AKR1C3: variants seen among roughly 807,000 people sequenced by gnomAD.
AKR1C3 encodes the protein 3-alpha hydroxysteroid dehydrogenase, type II.
In AKR1C3, 48 loss-of-function variants were observed where a neutral mutation model predicts 43.6. The ratio of observed to expected loss-of-function variants is 1.10; its 90% confidence interval spans 0.87 to 1.40. AKR1C3 has a LOEUF of 1.40. Among genes scored for constraint, AKR1C3 ranks in the 40% most tolerant of loss-of-function variants. AKR1C3 has a pLI of 0.00. For synonymous variants in AKR1C3, 162 were observed against 139.6 expected (o/e 1.16, Z -1.13); for missense variants, 482 against 391.2 (o/e 1.23, Z -1.96).
Position 5,102,223 on chromosome 10 carries a change from A to C in AKR1C3, c.680+13A>C, listed in dbSNP as rs782523991. The C allele has an allele frequency of 1.9e-6, 3 of 1,605,884 alleles. No individual in the cohort carries two copies. The highest frequency in any genetic ancestry group is 2.6e-6 in the Non-Finnish European group (3 of 1,172,844). On this transcript the variant is annotated intron_variant, in intron 6 of 8. Coordinates refer to ENST00000380554, the MANE Select transcript of AKR1C3 (RefSeq NM_003739.6). ...GAGACAAACGATGGTAATAAAAACA[A>C]TGGGACCTTTACATAAACCTTCATT...
chr10:5,087,078 G>A (rs10904414), intron 1 of AKR1C3, among the ~76,000 whole-genome samples: 128,147 of 152,048 alleles, frequency 0.84, 54,014 homozygotes, highest in Middle Eastern at 0.91. Context: ...TTTAAAGTTA[G>A]TATTGTTATG....
In AKR1C3 at chr10:5,099,363, T is replaced by TC. The variant is rs1295547128; in HGVS notation, c.486dup (p.Ile163HisfsTer39). The stretch of plus-strand genomic sequence containing the variant: ...GTGTAAGGATGCAGGATTGGCCAAG[T>TC]CCATTGGGGTGTCAAACTTCAACCG... On this transcript the variant is annotated frameshift_variant, in exon 5 of 9. Transcript: ENST00000380554. LOFTEE classifies it high-confidence loss of function. 6.2e-7 allele frequency: 1 copy of TC among 1,613,972 alleles called. No individual in the cohort carries two copies. The highest frequency in any genetic ancestry group is 1.7e-5 in the Admixed American group (1 of 59,990).
Position 5,107,549 on chromosome 10 carries a change from T to C in AKR1C3, c.*46T>C, listed in dbSNP as rs782651361. The C allele has an allele frequency of 6.8e-7, 1 of 1,474,130 alleles. No individual in the cohort carries two copies. Among genetic ancestry groups the C allele is most frequent in the South Asian group, 1.1e-5 (1 of 87,202 alleles). 91.3% of individuals were successfully genotyped at this position (1,474,130 alleles called of 1,614,324 possible). A position where few individuals can be genotyped will look rare whatever the true frequency, so the allele number is the denominator to read the frequency against. ...GTCTACCAGAAGCCCTGTGTGTGGATGGTGACGCAGAGGACGTCTCTATGC... is the reference window on the plus strand; with the variant it reads ...GTCTACCAGAAGCCCTGTGTGTGGACGGTGACGCAGAGGACGTCTCTATGC... On this transcript the variant is annotated 3_prime_UTR_variant, in exon 9 of 9. Coordinates refer to ENST00000380554, the MANE Select transcript of AKR1C3 (RefSeq NM_003739.6).
At chr10:5,104,503 C>A (rs587709733) in intron 7 of AKR1C3, among the ~76,000 whole-genome samples, 25 of 151,662 alleles carry the variant, frequency 1.6e-4, no homozygotes, top group African/African-American at 5.8e-4. Flanking sequence ...GTCTTGCTAC[C>A]AGAATGGTAC....
chr10:5,089,069 G>T (rs548160163), intron 1 of AKR1C3, among the ~76,000 whole-genome samples: 1 of 151,946 alleles, frequency 6.6e-6, no homozygotes, highest in Non-Finnish European at 1.5e-5. Flanking sequence ...CTAAAAATAG[G>T]CCCCCAATAT....
At chr10:5,076,432 A>G (rs1173988301) in intron 1 of AKR1C3, among the ~76,000 whole-genome samples, 4 of 152,074 alleles carry the variant, frequency 2.6e-5, no homozygotes, top group Non-Finnish European at 5.9e-5. Flanking sequence ...CCACTCTAGA[A>G]TTGTAAAAAA....
upstream of AKR1C3, among the ~76,000 whole-genome samples, chr10:5,092,415 T>C (rs146362258): frequency 1.8e-4 from 27 of 151,978 alleles, no homozygotes; most frequent in East Asian, 4.6e-3. Context: ...CAGAATCCAA[T>C]GCTGTGTATA....
chr10:5,089,925 C>T (rs1839049113), upstream of AKR1C3, among the ~76,000 whole-genome samples: 1 of 151,980 alleles, frequency 6.6e-6, no homozygotes, highest in Non-Finnish European at 1.5e-5. Flanking sequence ...TGCTTTATAC[C>T]TCTGCCCTTG....
Position 5,107,522 on chromosome 10 carries a change from A to ATGTC in AKR1C3, c.*21_*24dup. 2 of 1,574,422 alleles carry ATGTC rather than the reference A, an allele frequency of 1.3e-6. No homozygotes were observed. Among genetic ancestry groups the ATGTC allele is most frequent in the Non-Finnish European group, 1.7e-6 (2 of 1,145,368 alleles). On this transcript the variant is annotated 3_prime_UTR_variant, in exon 9 of 9. Coordinates refer to ENST00000380554, the MANE Select transcript of AKR1C3 (RefSeq NM_003739.6). The stretch of plus-strand genomic sequence containing the variant: ...ATATTAACATGGAGGGCTTTGCCTG[A>ATGTC]TGTCTACCAGAAGCCCTGTGTGTGG...
upstream of AKR1C3, chr10:5,094,275 C>T (rs1284199889): frequency 3.2e-5 from 16 of 497,360 alleles, no homozygotes; most frequent in Non-Finnish European, 5.3e-5. Context: ...GAACTGAATG[C>T]AATTTTCTCC....
At chr10:5,051,589 T>A (rs1554778922) in intron 1 of AKR1C3, among the ~76,000 whole-genome samples, 1 of 152,248 alleles carries the variant, frequency 6.6e-6, no homozygotes, top group Non-Finnish European at 1.5e-5. Flanking sequence ...AGTAATGGAA[T>A]CATTGCAGTT....
intron 1 of AKR1C3, among the ~76,000 whole-genome samples, chr10:5,051,767 G>C (rs1480116043): frequency 6.6e-6 from 1 of 152,144 alleles, no homozygotes; most frequent in Non-Finnish European, 1.5e-5. Context: ...TACCGCCTTT[G>C]GCTAAATCTA....
At chr10:5,073,523 G>T (rs1296079698) in intron 1 of AKR1C3, among the ~76,000 whole-genome samples, 2 of 152,074 alleles carry the variant, frequency 1.3e-5, no homozygotes, top group Non-Finnish European at 2.9e-5. Flanking sequence ...TACATCCACT[G>T]TCCTGAGCAC....
chr10:5,068,971 A>T (rs1201817496), intron 1 of AKR1C3, among the ~76,000 whole-genome samples: 3 of 152,246 alleles, frequency 2.0e-5, no homozygotes, highest in Non-Finnish European at 4.4e-5. Flanking sequence ...TTTTCAAGAC[A>T]ACTGTATTTT....
At chr10:5,060,865 G>A (rs562213272) in intron 1 of AKR1C3, among the ~76,000 whole-genome samples, 2 of 152,340 alleles carry the variant, frequency 1.3e-5, no homozygotes, top group Admixed American at 6.5e-5. Context: ...AAGAAATTGA[G>A]CACAGCAGCT....
chr10:5,076,274 G>A (rs1838713537), intron 1 of AKR1C3, among the ~76,000 whole-genome samples: 1 of 152,150 alleles, frequency 6.6e-6, no homozygotes, highest in Non-Finnish European at 1.5e-5. Flanking sequence ...CAATAGTGTT[G>A]AGATGTGGGA....
upstream of AKR1C3, chr10:5,093,562 G>A (rs1839140933): frequency 6.6e-6 from 1 of 152,036 alleles, no homozygotes; most frequent in Admixed American, 6.6e-5. Flanking sequence ...CCATTTATAT[G>A]TAATTAATTT....
At chr10:5,081,707 CCCCATTTTCTT>C (rs66571177) in intron 1 of AKR1C3, 89,182 of 151,698 alleles carry the variant, frequency 0.59, 26,602 homozygotes, top group African/African-American at 0.63. Context: ...CAGCATTACT[CCCCATTTTCTT>C]CCCTCTCCTG....
chr10:5,056,898 G>A (rs540530076), intron 1 of AKR1C3, among the ~76,000 whole-genome samples: 4 of 152,252 alleles, frequency 2.6e-5, no homozygotes, highest in Non-Finnish European at 4.4e-5. Context: ...AGGATTCCTC[G>A]GATGGTAACA....
Sources: allele counts gnomAD v4.1 joint callset (sites outside exome capture counted in the v4.1 genomes callset), GRCh38; gene constraint gnomAD v4.1.1; transcripts MANE v1.5; gene names NCBI Gene and HGNC (gene_info 2026-07-23, HGNC 2026-07-21).